The following DTL variants were observed in gnomAD, a reference collection of about 807,000 sequenced individuals.
DTL encodes the protein denticleless E3 ubiquitin protein ligase adapter, also known as denticleless protein homolog.
DTL carries 46 observed loss-of-function variants against 87.0 expected under a neutral mutation model. The ratio of observed to expected loss-of-function variants is 0.53; its 90% confidence interval spans 0.42 to 0.68. The LOEUF (loss-of-function observed/expected upper bound fraction) is 0.68, where lower values mean the gene tolerates loss of function less well. Ranked by LOEUF, DTL falls within the 30% of genes least tolerant of loss-of-function variation. The probability of loss-of-function intolerance (pLI) is 0.00; values close to 1 mark genes in which losing one functional copy is unlikely to be tolerated. For missense variants in DTL, 737 were observed against 869.4 expected, an observed-to-expected ratio of 0.85 and a Z score of 1.91; for synonymous variants, 308 against 311.2, an observed-to-expected ratio of 0.99 and a Z score of 0.11.
chr1:212,094,203 A>G (rs1488832890), intron 13 of DTL, among the ~76,000 whole-genome samples: 1 of 152,024 alleles, frequency 6.6e-6, no homozygotes, highest in Non-Finnish European at 1.5e-5. Context: ...AGTTTTTCCC[A>G]TGTTATCTTC....
Position 212,100,576 on chromosome 1 carries a change from A to C in DTL, c.1586A>C (p.Lys529Thr). Residue 529 changes from lysine (K) to threonine (T), a missense_variant, in exon 14 of 15, where the codon AAA becomes ACA. Physicochemically the swap from Lys to Thr is moderately conservative, Grantham distance 78. Coordinates refer to ENST00000366991, the MANE Select transcript of DTL (RefSeq NM_016448.4). ...ASETKIMSPR[K>T]ALIPVSQKSS... ...GAGACCAAGATCATGTCTCCGAGAA[A>C]AGCCCTTATTCCTGTGAGCCAGAAG... 1 of 1,614,044 alleles carries C rather than the reference A, an allele frequency of 6.2e-7. No homozygotes were observed. Among genetic ancestry groups the C allele is most frequent in the Non-Finnish European group, 8.5e-7 (1 of 1,179,990 alleles).
At chr1:212,056,358 T>A (rs1362554051) in intron 5 of DTL, among the ~76,000 whole-genome samples, 1 of 152,086 alleles carries the variant, frequency 6.6e-6, no homozygotes, top group Non-Finnish European at 1.5e-5. Context: ...AAAACCACAC[T>A]CTAATCTACC....
At chr1:212,055,332 G>C (rs1462624311) in intron 5 of DTL, among the ~76,000 whole-genome samples, 1 of 152,098 alleles carries the variant, frequency 6.6e-6, no homozygotes, top group East Asian at 1.9e-4. Context: ...CGGACCCTGA[G>C]ACTAACATAG....
At chr1:212,053,936 C>T (rs1668077541) in intron 5 of DTL, among the ~76,000 whole-genome samples, 1 of 152,102 alleles carries the variant, frequency 6.6e-6, no homozygotes, top group South Asian at 2.1e-4. Flanking sequence ...TTTCCTGGCT[C>T]TTTGTAAGTC....
At chr1:212,082,414 G>C (rs914483647) in intron 13 of DTL, among the ~76,000 whole-genome samples, 1 of 152,154 alleles carries the variant, frequency 6.6e-6, no homozygotes, top group Non-Finnish European at 1.5e-5. Context: ...AGTTTGCTGG[G>C]GTTTTTTTAA....
intron 5 of DTL, among the ~76,000 whole-genome samples, chr1:212,056,903 T>C (rs926044082): frequency 2.6e-5 from 4 of 152,028 alleles, no homozygotes; most frequent in Non-Finnish European, 5.9e-5. Context: ...ATCCCAGAAC[T>C]TGAAGATGTT....
At chr1:212,038,126 AC>A (rs1312053464) in intron 1 of DTL, among the ~76,000 whole-genome samples, 2 of 152,310 alleles carry the variant, frequency 1.3e-5, no homozygotes, top group Non-Finnish European at 2.9e-5. Flanking sequence ...AGTGAACCTA[AC>A]ATACACATCT....
At chr1:212,072,236 C>T in intron 11 of DTL, 23 bp downstream of exon 11, 2 of 1,540,408 alleles carry the variant, frequency 1.3e-6, no homozygotes, top group South Asian at 1.1e-5. Context: ...ACTTCACCCA[C>T]AAGTGTTAGA....
At position 212,046,914 on chromosome 1, in the gene DTL, A is replaced by G. The variant is rs535356111; in HGVS notation, c.278-237A>G. On this transcript the variant is annotated intron_variant, in intron 3 of 14. Coordinates refer to ENST00000366991, the MANE Select transcript of DTL (RefSeq NM_016448.4). ...TAATTTACATTCCCACCAACAGTGT[A>G]AAACTGTTGCTATCTCTCCGCAGCC... Among the ~76,000 whole-genome samples the G allele has an allele frequency of 2.6e-5, 4 of 152,334 alleles. No individual in the cohort carries two copies. The East Asian group carries it at 5.8e-4, about 22-fold the overall frequency.
In DTL at chr1:212,100,255, CAGTAACGAGTAGCCAG is replaced by C; in HGVS notation, c.1270_1285del (p.Thr424LeufsTer77). On this transcript the variant is annotated frameshift_variant, in exon 14 of 15. Transcript: ENST00000366991. LOFTEE classifies it high-confidence loss of function. Reference sequence around the variant, plus strand: ...ATGATCCTCTCCTCTTTTTCAGTAACAGTAACGAGTAGCCAGAGTACTCCTGCCAAAGCCCCCAGGG... The same window carrying C: ...ATGATCCTCTCCTCTTTTTCAGTAACAGTACTCCTGCCAAAGCCCCCAGGG... 6.5e-7 allele frequency: 1 copy of C among 1,537,274 alleles called. No individual in the cohort carries two copies. The highest frequency in any genetic ancestry group is 8.7e-7 in the Non-Finnish European group (1 of 1,144,322).
At position 212,080,618 on chromosome 1, in the gene DTL, G is replaced by A. The variant is rs1654961866; in HGVS notation, c.1129G>A (p.Ala377Thr). ...CCTTCTTGGTACTCCCTCTTAGATT[G>A]CTACCTGTTCTGATGACAATACACT... ...CWCPSDFTKI[A>T]TCSDDNTLKI... The change falls in exon 13 of 15, where the codon GCT (alanine) becomes ACT (threonine). Residue 377 changes from alanine to threonine, a missense_variant. Coordinates refer to ENST00000366991, the MANE Select transcript of DTL (RefSeq NM_016448.4). 6.2e-7 allele frequency: 1 copy of A among 1,610,004 alleles called. No homozygotes were observed. The highest frequency in any genetic ancestry group is 1.1e-5 in the South Asian group (1 of 90,212).
Position 212,080,702 on chromosome 1 carries a change from A to C in DTL, c.1213A>C (p.Thr405Pro), listed in dbSNP as rs998353813. Reference protein sequence around the residue: ...EEKPGGDKLSTVGWASQKKKE... With the variant: ...EEKPGGDKLSPVGWASQKKKE... ...GAAACCAGGAGGTGATAAACTTTCC[A>C]CGGTGGGTTGGGCCTCTCAGAAGAA... is the stretch of plus-strand genomic sequence containing the variant. Residue 405 changes from threonine to proline, a missense_variant, in exon 13 of 15, where the codon ACG (threonine) becomes CCG (proline). Physicochemically the swap from Thr to Pro is conservative, Grantham distance 38. Coordinates refer to ENST00000366991, the MANE Select transcript of DTL (RefSeq NM_016448.4). The C allele has an allele frequency of 1.2e-6, 2 of 1,613,728 alleles. No homozygotes were observed. The highest frequency in any genetic ancestry group is 1.7e-6 in the Non-Finnish European group (2 of 1,179,676).
In DTL at chr1:212,072,301, A is replaced by T. The variant is rs1048317077; in HGVS notation, c.1035+88A>T. 43 of 992,896 alleles carry T rather than the reference A, an allele frequency of 4.3e-5. No individual in the cohort carries two copies. The East Asian group carries it at 1.0e-3, about 23-fold the overall frequency. The allele number at this position is 992,896 out of a possible 1,614,324, so 61.5% of individuals were successfully genotyped here. On this transcript the variant is annotated intron_variant, in intron 11 of 14. Transcript: ENST00000366991. ...TCCAATATGAGATAAGTTTAATGTA[A>T]CCACGTGCTATACTATTCCTGCATC...
intron 14 of DTL, among the ~76,000 whole-genome samples, 167 bp from the exon 15 acceptor site, chr1:212,102,675 G>A (rs1655658199): frequency 6.6e-6 from 1 of 152,096 alleles, no homozygotes; most frequent in South Asian, 2.1e-4. Context: ...TTTTACTATA[G>A]TCAGTACAAA....
chr1:212,101,495 A>C (rs1214298419), intron 14 of DTL, among the ~76,000 whole-genome samples: 1 of 152,170 alleles, frequency 6.6e-6, no homozygotes, highest in Non-Finnish European at 1.5e-5. Context: ...TTATAGATAA[A>C]GCTGTTGTTC....
At chr1:212,084,196 TTTTTC>T (rs1374273045) in intron 13 of DTL, among the ~76,000 whole-genome samples, 1 of 47,498 alleles carries the variant, frequency 2.1e-5, no homozygotes, top group Admixed American at 2.3e-4. Flanking sequence ...TTAATTTCTT[TTTTTC>T]TTTTCTTTTT....
chr1:212,035,818 A>G lies in DTL; in HGVS notation c.-73A>G, dbSNP rs1226868201. On this transcript the variant is annotated 5_prime_UTR_variant, in exon 1 of 15. Coordinates refer to ENST00000366991, the MANE Select transcript of DTL (RefSeq NM_016448.4). ...AACGATTTGTGTTGTGAGAGGCGCA[A>G]GCTGCGATTTCTGCTGAACTTGGAG... 2.0e-6 allele frequency: 3 copies of G among 1,466,532 alleles called. No individual in the cohort carries two copies. The highest frequency in any genetic ancestry group is 3.4e-5 in the Admixed American group (2 of 58,924). The allele number at this position is 1,466,532 out of a possible 1,614,324, so 90.8% of individuals were successfully genotyped here.
At chr1:212,076,668 C>T (rs1654840033) in intron 11 of DTL, among the ~76,000 whole-genome samples, 1 of 152,144 alleles carries the variant, frequency 6.6e-6, no homozygotes, top group Non-Finnish European at 1.5e-5. Flanking sequence ...TTGCTGCTAC[C>T]AGACCTGTTT....
intron 13 of DTL, among the ~76,000 whole-genome samples, chr1:212,095,022 C>A (rs974247836): frequency 1.3e-5 from 2 of 152,166 alleles, no homozygotes; most frequent in Non-Finnish European, 2.9e-5. Context: ...GGTATACAAT[C>A]ATATCATTTA....
Sources: allele counts gnomAD v4.1 joint callset (sites outside exome capture counted in the v4.1 genomes callset), GRCh38; gene constraint gnomAD v4.1.1; transcripts MANE v1.5; gene names NCBI Gene and HGNC (gene_info 2026-07-23, HGNC 2026-07-21).